Variants in EVI5 observed in about 807,000 individuals in gnomAD.
EVI5 encodes ecotropic viral integration site 5 protein homolog.
EVI5 carries 73 observed loss-of-function variants against 112.0 expected under a neutral mutation model. The ratio of observed to expected loss-of-function variants is 0.65; its 90% confidence interval spans 0.54 to 0.79. EVI5 has a LOEUF of 0.79. Ranked by LOEUF, EVI5 falls within the 30% of genes least tolerant of loss-of-function variation. The pLI, the probability that EVI5 is intolerant of heterozygous loss-of-function variation, is 0.00. For synonymous variants in EVI5, 305 were observed against 319.9 expected, an observed-to-expected ratio of 0.95 and a Z score of 0.50; for missense variants, 900 against 968.8, an observed-to-expected ratio of 0.93 and a Z score of 0.94.
chr1:92,562,516 C>T (rs959810909), intron 19 of EVI5, among the ~76,000 whole-genome samples: 11 of 151,704 alleles, frequency 7.3e-5, no homozygotes, highest in Non-Finnish European at 1.5e-4. Flanking sequence ...GCCGACAGAG[C>T]GAGACTCCGT....
intron 14 of EVI5, among the ~76,000 whole-genome samples, chr1:92,632,698 T>C (rs914254721): frequency 1.4e-4 from 21 of 152,294 alleles, no homozygotes; most frequent in Non-Finnish European, 2.5e-4. Flanking sequence ...ATCTTAGTTA[T>C]TTCTTGCCTT....
At chr1:92,761,011 T>C (rs550012231) in intron 1 of EVI5, among the ~76,000 whole-genome samples, 9 of 127,536 alleles carry the variant, frequency 7.1e-5, no homozygotes, top group Non-Finnish European at 1.2e-4. Context: ...TGAGCCGAGA[T>C]AGCGCCACTG....
In EVI5 at chr1:92,624,166, C is replaced by G. The variant is rs200032409; in HGVS notation, c.1827+10G>C. 5.0e-6 allele frequency: 8 copies of G among 1,609,838 alleles called. No homozygotes were observed. The Admixed American group carries it at 8.4e-5, about 17-fold the overall frequency. ...ATACTTTTTAAAGATACTGGGCTTTCCCATCATACCTGTGTTTCCATTTCC... is the reference window on the plus strand; with the variant it reads ...ATACTTTTTAAAGATACTGGGCTTTGCCATCATACCTGTGTTTCCATTTCC... On this transcript the variant is annotated intron_variant, in intron 16 of 19. Transcript: ENST00000684568.
intron 16 of EVI5, among the ~76,000 whole-genome samples, chr1:92,610,098 G>A (rs549522344): frequency 1.3e-5 from 2 of 152,058 alleles, no homozygotes; most frequent in East Asian, 3.9e-4. Flanking sequence ...TGTTGCTCAG[G>A]CCAGTCTTGA....
chr1:92,594,341 GCTGGGAAAA>G (rs1647194775), intron 18 of EVI5, among the ~76,000 whole-genome samples: 1 of 151,810 alleles, frequency 6.6e-6, no homozygotes, highest in Admixed American at 6.6e-5. Context: ...AATAAATGGT[GCTGGGAAAA>G]CTGGCTAGCC....
chr1:92,729,674 C>T (rs1249500991), intron 2 of EVI5, among the ~76,000 whole-genome samples: 1 of 152,140 alleles, frequency 6.6e-6, no homozygotes, highest in Non-Finnish European at 1.5e-5. Flanking sequence ...TTTAAATCAG[C>T]TCTGGATGAC....
Position 92,581,601 on chromosome 1 carries a change from T to C in EVI5, c.2071-17864A>G, listed in dbSNP as rs913753315. 5.9e-5 allele frequency among the ~76,000 whole-genome samples: 9 copies of C among 152,334 alleles called. 1 individual carries two copies. The highest frequency in any genetic ancestry group is 3.9e-4 in the Admixed American group (6 of 15,300). Reference sequence around the variant, plus strand: ...CTGGCAGGCCTCTCTGCTCTACCACTGTCTGCTTCTTTTGTTAGCTGTCAC... The same window carrying C: ...CTGGCAGGCCTCTCTGCTCTACCACCGTCTGCTTCTTTTGTTAGCTGTCAC... On this transcript the variant is annotated intron_variant, in intron 18 of 19. Coordinates refer to ENST00000684568, the MANE Select transcript of EVI5 (RefSeq NM_001350197.2).
At chr1:92,524,343 T>A (rs1442280951) in intron 19 of EVI5, among the ~76,000 whole-genome samples, 1 of 152,192 alleles carries the variant, frequency 6.6e-6, no homozygotes, top group Non-Finnish European at 1.5e-5. Flanking sequence ...TAAATAAATT[T>A]AGATGTAAAG....
chr1:92,704,781 G>C (rs1671719656), intron 2 of EVI5, 37 bp from the exon 3 acceptor site: 1 of 1,034,874 alleles, frequency 9.7e-7, no homozygotes, highest in Non-Finnish European at 1.4e-6. Context: ...GATCTAATCG[G>C]ACAGTGATAT....
At chr1:92,711,631 CG>C (rs1672867304) in intron 2 of EVI5, among the ~76,000 whole-genome samples, 1 of 152,094 alleles carries the variant, frequency 6.6e-6, no homozygotes, top group Middle Eastern at 3.4e-3. Context: ...CTCTAGCCTA[CG>C]TGACAGAGCA....
intron 18 of EVI5, among the ~76,000 whole-genome samples, chr1:92,567,010 T>C (rs969270587): frequency 3.9e-5 from 6 of 152,036 alleles, no homozygotes; most frequent in Non-Finnish European, 7.4e-5. Context: ...TTTCACCACA[T>C]TGGCCAGTCT....
chr1:92,593,335 A>T (rs1674326342), intron 18 of EVI5, among the ~76,000 whole-genome samples: 1 of 152,182 alleles, frequency 6.6e-6, no homozygotes, highest in African/African-American at 2.4e-5. Flanking sequence ...ATTATCTCAT[A>T]AGATGCAGAA....
chr1:92,551,782 C>T (rs1666977022), intron 19 of EVI5, among the ~76,000 whole-genome samples: 1 of 152,160 alleles, frequency 6.6e-6, no homozygotes, highest in African/African-American at 2.4e-5. Context: ...TTAAGAATTG[C>T]TGTAAAAAAC....
At chr1:92,728,570 T>C (rs1218723529) in intron 2 of EVI5, among the ~76,000 whole-genome samples, 1 of 152,090 alleles carries the variant, frequency 6.6e-6, no homozygotes, top group African/African-American at 2.4e-5. Flanking sequence ...GTATTTTTAG[T>C]AGAGACAGGG....
chr1:92,768,292 A>G (rs558899108), intron 1 of EVI5, among the ~76,000 whole-genome samples: 4 of 152,184 alleles, frequency 2.6e-5, no homozygotes, highest in Non-Finnish European at 4.4e-5. Flanking sequence ...CTAAAGATAC[A>G]CAGCTACACA....
intron 16 of EVI5, among the ~76,000 whole-genome samples, chr1:92,615,982 C>T (rs146266149): frequency 0.01 from 1,535 of 152,206 alleles, 32 homozygotes; most frequent in African/African-American, 0.035. Flanking sequence ...TTTGGGCCCA[C>T]TAAGTAGGGA....
chr1:92,614,388 T>C (rs375503539), intron 16 of EVI5, among the ~76,000 whole-genome samples: 6 of 152,144 alleles, frequency 3.9e-5, no homozygotes, highest in African/African-American at 1.2e-4. Context: ...ATGTTAAAAA[T>C]ATCTGTGATG....
chr1:92,787,297 A>C (rs940925491), upstream of EVI5, among the ~76,000 whole-genome samples: 1 of 152,206 alleles, frequency 6.6e-6, no homozygotes, highest in Admixed American at 6.5e-5. Flanking sequence ...AACTGATTTT[A>C]TATCATTTTA....
At position 92,586,741 on chromosome 1, in the gene EVI5, T is replaced by C. The variant is rs1313205079; in HGVS notation, c.2070+18566A>G. ...CCTAGAATCAGCCATTTCTTTTTTTTTTTAATTTTATTATTATTATACTTT... is the reference window on the plus strand; with the variant it reads ...CCTAGAATCAGCCATTTCTTTTTTTCTTTAATTTTATTATTATTATACTTT... On this transcript the variant is annotated intron_variant, in intron 18 of 19. Coordinates refer to ENST00000684568, the MANE Select transcript of EVI5 (RefSeq NM_001350197.2). Among the ~76,000 whole-genome samples the C allele has an allele frequency of 4.0e-5, 6 of 151,468 alleles. No individual in the cohort carries two copies. In the East Asian group the frequency reaches 1.2e-3, roughly 29 times the overall value.
Sources: gnomAD v4.1 joint callset for allele counts (sites outside exome capture counted in the v4.1 genomes callset) on GRCh38, gnomAD v4.1.1 for gene constraint, MANE v1.5 for transcripts, NCBI Gene and HGNC (gene_info 2026-07-23, HGNC 2026-07-21) for gene names.